The following CCSER2 variants were observed in gnomAD, a reference collection of about 807,000 sequenced individuals.
CCSER2 encodes coiled-coil serine rich protein 2.
Under a neutral mutation model 92.3 loss-of-function variants are expected in CCSER2, and 46 were observed. The observed-to-expected ratio is 0.50, with a 90% CI of 0.39 to 0.64. The LOEUF (loss-of-function observed/expected upper bound fraction) is 0.64, where lower values mean the gene tolerates loss of function less well. Ranked by LOEUF, CCSER2 falls within the 30% of genes least tolerant of loss-of-function variation. The pLI is 0.00. For synonymous variants in CCSER2, 433 were observed against 431.4 expected, an observed-to-expected ratio of 1.00 and a Z score of -0.04; for missense variants, 1,244 against 1,238.9, an observed-to-expected ratio of 1.00 and a Z score of -0.06.
At chr10:84,380,521 A>AT (rs34919931) in intron 3 of CCSER2, among the ~76,000 whole-genome samples, 31,821 of 151,896 alleles carry the variant, frequency 0.21, 3,588 homozygotes, top group Admixed American at 0.34. Flanking sequence ...ATGCTCATAT[A>AT]TGGCGTGTGT....
intron 1 of CCSER2, among the ~76,000 whole-genome samples, chr10:84,334,711 A>G (rs780951586): frequency 2.0e-5 from 3 of 152,020 alleles, no homozygotes; most frequent in Non-Finnish European, 2.9e-5. Flanking sequence ...TTTGTACTTT[A>G]TAGCTACGTA....
At chr10:84,486,351 C>G (rs1019475058) in intron 9 of CCSER2, among the ~76,000 whole-genome samples, 30 of 152,336 alleles carry the variant, frequency 2.0e-4, no homozygotes, top group East Asian at 5.8e-4. Flanking sequence ...CTAGTTTACA[C>G]TCCCACCAAC....
intron 3 of CCSER2, among the ~76,000 whole-genome samples, chr10:84,406,618 C>T (rs1375977189): frequency 6.6e-6 from 1 of 152,046 alleles, no homozygotes; most frequent in Non-Finnish European, 1.5e-5. Context: ...CCTCTGGAAG[C>T]CAGAGAATAT....
chr10:84,489,950 C>CT (rs1848053786), intron 9 of CCSER2, among the ~76,000 whole-genome samples: 1 of 152,204 alleles, frequency 6.6e-6, no homozygotes, highest in Non-Finnish European at 1.5e-5. Context: ...GACAAAGTCT[C>CT]TCAGCATTTG....
chr10:84,416,231 C>T (rs1842881525), intron 3 of CCSER2, among the ~76,000 whole-genome samples: 2 of 152,090 alleles, frequency 1.3e-5, no homozygotes, highest in Non-Finnish European at 2.9e-5. Context: ...GACTGTTGCC[C>T]CACCCTGCTT....
intron 6 of CCSER2, among the ~76,000 whole-genome samples, 164 bp from the exon 7 acceptor site, chr10:84,463,769 A>G (rs1374390000): frequency 6.6e-6 from 1 of 152,170 alleles, no homozygotes; most frequent in Non-Finnish European, 1.5e-5. Flanking sequence ...AACAGTATAT[A>G]TAGGGGAAAT....
chr10:84,454,165 T>C (rs771154055), intron 6 of CCSER2, among the ~76,000 whole-genome samples: 24 of 152,188 alleles, frequency 1.6e-4, no homozygotes, highest in Non-Finnish European at 2.4e-4. Flanking sequence ...TTCTACCTTC[T>C]AATGGTTACC....
At chr10:84,436,200 C>T (rs1392153095) in intron 5 of CCSER2, among the ~76,000 whole-genome samples, 4 of 151,102 alleles carry the variant, frequency 2.6e-5, no homozygotes, top group Admixed American at 2.6e-4. Context: ...GGTGGCGTTA[C>T]TTGTAGTCCC....
chr10:84,345,537 T>A (rs1844428885), intron 1 of CCSER2, among the ~76,000 whole-genome samples: 1 of 152,244 alleles, frequency 6.6e-6, no homozygotes, highest in Non-Finnish European at 1.5e-5. Flanking sequence ...TTGGCAAGTT[T>A]CGTTGTGGCA....
chr10:84,361,111 A>C (rs111855832), intron 1 of CCSER2, among the ~76,000 whole-genome samples: 14 of 152,334 alleles, frequency 9.2e-5, no homozygotes, highest in African/African-American at 3.4e-4. Context: ...CACCTCCTGC[A>C]TGCCTGTGCC....
At chr10:84,389,104 CTTT>C (rs80150850) in intron 3 of CCSER2, 66 of 184,302 alleles carry the variant, frequency 3.6e-4, no homozygotes, top group South Asian at 9.1e-4. Context: ...CCAATAATAA[CTTT>C]TTTTTTTTTT....
chr10:84,450,898 G>A (rs1412607451), intron 6 of CCSER2, among the ~76,000 whole-genome samples: 1 of 152,156 alleles, frequency 6.6e-6, no homozygotes, highest in Non-Finnish European at 1.5e-5. Flanking sequence ...CAATCTGAGT[G>A]TATAATAAAT....
At chr10:84,400,799 A>G (rs1842079560) in intron 3 of CCSER2, among the ~76,000 whole-genome samples, 1 of 152,130 alleles carries the variant, frequency 6.6e-6, no homozygotes, top group African/African-American at 2.4e-5. Flanking sequence ...CTGTAATTCA[A>G]GCTACTTGGG....
At chr10:84,492,358 AGTTTGGAGAGTTTTTCTGTAGTTTGGG>A (rs566127803) in intron 9 of CCSER2, among the ~76,000 whole-genome samples, 1,600 of 152,080 alleles carry the variant, frequency 0.011, 16 homozygotes, top group Non-Finnish European at 0.016. Context: ...CTCACTTATA[AGTTTGGAGAGTTTTTCTGTAGTTTGGG>A]GTTTTCTATG....
intron 4 of CCSER2, among the ~76,000 whole-genome samples, chr10:84,418,919 A>T (rs1266362513): frequency 6.6e-6 from 1 of 152,196 alleles, no homozygotes; most frequent in African/African-American, 2.4e-5. Flanking sequence ...GACCAGGACC[A>T]CTGTGGGGCA....
At chr10:84,355,335 T>C (rs1845105589) in intron 1 of CCSER2, among the ~76,000 whole-genome samples, 1 of 152,232 alleles carries the variant, frequency 6.6e-6, no homozygotes, top group African/African-American at 2.4e-5. Flanking sequence ...AACAACAGTT[T>C]TCTGAATGTG....
intron 3 of CCSER2, among the ~76,000 whole-genome samples, chr10:84,408,117 A>G (rs1009081549): frequency 3.1e-4 from 47 of 151,960 alleles, no homozygotes; most frequent in African/African-American, 1.1e-3. Flanking sequence ...TAAAAGCCCT[A>G]TGTCCTTTTT....
intron 3 of CCSER2, among the ~76,000 whole-genome samples, chr10:84,384,434 A>G (rs1165790885): frequency 6.6e-6 from 1 of 152,354 alleles, no homozygotes; most frequent in South Asian, 2.1e-4. Context: ...CATCATGATC[A>G]AGTGGGTTTT....
Position 84,514,577 on chromosome 10 carries a change from G to T in CCSER2, c.*310G>T. 1 of 320,808 alleles carries T rather than the reference G, an allele frequency of 3.1e-6. No individual in the cohort carries two copies. Among genetic ancestry groups the T allele is most frequent in the East Asian group, 6.6e-5 (1 of 15,230 alleles). 19.9% of individuals were successfully genotyped at this position (320,808 alleles called of 1,614,324 possible). ...AAAATTCATAATATTTTACTGAGCA[G>T]GCAAGAAGTGTGCTTTGCTGGTTTA... On this transcript the variant is annotated 3_prime_UTR_variant, in exon 10 of 10. Transcript: ENST00000372088.
Sources: gnomAD v4.1 joint callset for allele counts (sites outside exome capture counted in the v4.1 genomes callset) on GRCh38, gnomAD v4.1.1 for gene constraint, MANE v1.5 for transcripts, NCBI Gene and HGNC (gene_info 2026-07-23, HGNC 2026-07-21) for gene names.